GRIN2B: variants seen among roughly 807,000 people sequenced by gnomAD.
GRIN2B encodes glutamate receptor ionotropic, NMDA 2B.
GRIN2B carries 5 observed loss-of-function variants against 114.5 expected under a neutral mutation model. That is an observed-to-expected ratio of 0.04 (90% CI 0.02 to 0.09). The LOEUF (loss-of-function observed/expected upper bound fraction) is 0.09. Ranked by LOEUF, GRIN2B falls within the 10% of genes least tolerant of loss-of-function variation. The probability of loss-of-function intolerance (pLI) is 1.00; values close to 1 mark genes in which losing one functional copy is unlikely to be tolerated. For synonymous variants in GRIN2B, 787 were observed against 745.1 expected (o/e 1.06, Z -0.92); for missense variants, 1,108 against 1,943.5 (o/e 0.57, Z 8.08).
At chr12:13,782,769 T>A (rs1370390684) in intron 3 of GRIN2B, among the ~76,000 whole-genome samples, 2 of 152,164 alleles carry the variant, frequency 1.3e-5, no homozygotes, top group Non-Finnish European at 2.9e-5. Flanking sequence ...ACCCACATAT[T>A]TTTATCTCCC....
At chr12:13,919,254 A>G (rs962474742) in intron 2 of GRIN2B, among the ~76,000 whole-genome samples, 2 of 152,222 alleles carry the variant, frequency 1.3e-5, no homozygotes, top group Admixed American at 1.3e-4. Flanking sequence ...GACCTTCTGA[A>G]TCTAGTTTAT....
intron 2 of GRIN2B, among the ~76,000 whole-genome samples, chr12:13,949,937 AG>A (rs1431608544): frequency 1.3e-5 from 2 of 152,238 alleles, no homozygotes; most frequent in Admixed American, 6.5e-5. Flanking sequence ...AAATTCATTA[AG>A]GAGGAACTCA....
rs111888397 is a variant in GRIN2B at position 13,569,963 on chromosome 12, T to C, written c.2226A>G (p.Arg742=). The C allele has an allele frequency of 6.2e-7, 1 of 1,613,122 alleles. No homozygotes were observed. The highest frequency in any genetic ancestry group is 8.5e-7 in the Non-Finnish European group (1 of 1,179,108). ...TGGTCACCAGCTTGCAGCCTTCATC[T>C]CTGCCTGCCATATAGTTCAGCACTG... is the stretch of plus-strand genomic sequence containing the variant. The part of the protein sequence containing the change: ...DAAVLNYMAG[R]DEGCKLVTIG... Residue 742 remains arginine, a synonymous_variant, in exon 12 of 14, where the codon AGA becomes AGG. Coordinates refer to ENST00000609686, the MANE Select transcript of GRIN2B (RefSeq NM_000834.5).
At chr12:13,686,077 G>C (rs1950172426) in intron 4 of GRIN2B, among the ~76,000 whole-genome samples, 1 of 152,104 alleles carries the variant, frequency 6.6e-6, no homozygotes, top group African/African-American at 2.4e-5. Context: ...AAAAGTGCTG[G>C]TCAAAAGTTA....
intron 10 of GRIN2B, among the ~76,000 whole-genome samples, chr12:13,597,868 A>G (rs897328962): frequency 3.3e-5 from 5 of 152,198 alleles, no homozygotes; most frequent in African/African-American, 1.2e-4. Flanking sequence ...GGCACATAAT[A>G]TATGTTCATT....
chr12:13,681,032 A>G (rs1445813590), intron 4 of GRIN2B, among the ~76,000 whole-genome samples: 1 of 152,070 alleles, frequency 6.6e-6, no homozygotes, highest in African/African-American at 2.4e-5. Context: ...GACTCTGGCC[A>G]TGCCACTCCA....
intron 3 of GRIN2B, among the ~76,000 whole-genome samples, chr12:13,835,340 T>G (rs946864267): frequency 6.6e-6 from 1 of 152,210 alleles, no homozygotes; most frequent in South Asian, 2.1e-4. Flanking sequence ...CACCCTCATT[T>G]ATCCTGAATC....
At position 13,691,744 on chromosome 12, in the gene GRIN2B, T is replaced by A. The variant is rs1026747894; in HGVS notation, c.1011-15885A>T. ...CACACACTAGAGAGAAATGAAGAGA[T>A]GGAGAGGAGATGAAACAGCATGCAG... On this transcript the variant is annotated intron_variant, in intron 4 of 13. Coordinates refer to ENST00000609686, the MANE Select transcript of GRIN2B (RefSeq NM_000834.5). Among the ~76,000 whole-genome samples the A allele has an allele frequency of 2.0e-5, 3 of 151,930 alleles. No homozygotes were observed. The East Asian group carries it at 5.8e-4, about 29-fold the overall frequency.
At chr12:13,881,626 A>G (rs1469453146) in intron 2 of GRIN2B, among the ~76,000 whole-genome samples, 1 of 152,176 alleles carries the variant, frequency 6.6e-6, no homozygotes, top group African/African-American at 2.4e-5. Context: ...CGTTTGTCTA[A>G]TATATATTCA....
intron 5 of GRIN2B, among the ~76,000 whole-genome samples, chr12:13,649,522 G>C (rs1275609596): frequency 1.3e-5 from 2 of 152,032 alleles, no homozygotes; most frequent in Non-Finnish European, 2.9e-5. Flanking sequence ...AGGAATCTTA[G>C]AGCCTACATT....
intron 10 of GRIN2B, among the ~76,000 whole-genome samples, chr12:13,597,367 C>G (rs543079104): frequency 2.6e-5 from 4 of 152,286 alleles, no homozygotes; most frequent in African/African-American, 9.6e-5. Flanking sequence ...GAAGCTAAAC[C>G]GAAAGGAAAA....
At chr12:13,887,772 A>T (rs1017209927) in intron 2 of GRIN2B, among the ~76,000 whole-genome samples, 9 of 152,198 alleles carry the variant, frequency 5.9e-5, no homozygotes, top group Non-Finnish European at 1.2e-4. Flanking sequence ...GAAGAGAGGG[A>T]CAACTGATGC....
At chr12:13,815,349 G>A (rs1452329770) in intron 3 of GRIN2B, among the ~76,000 whole-genome samples, 1 of 151,278 alleles carries the variant, frequency 6.6e-6, no homozygotes, top group African/African-American at 2.4e-5. Context: ...CCTGAATTCA[G>A]TAAAGGCATC....
intron 10 of GRIN2B, among the ~76,000 whole-genome samples, chr12:13,589,061 C>T (rs189299290): frequency 6.6e-6 from 1 of 152,210 alleles, no homozygotes; most frequent in Admixed American, 6.5e-5. Context: ...TTGGGACATA[C>T]TTATACTAAA....
chr12:13,915,291 G>A (rs983503783), intron 2 of GRIN2B, among the ~76,000 whole-genome samples: 8 of 152,154 alleles, frequency 5.3e-5, no homozygotes, highest in African/African-American at 1.7e-4. Context: ...TAGTCACACT[G>A]TACTTAGACA....
chr12:13,869,427 A>G (rs1303704533), intron 2 of GRIN2B, among the ~76,000 whole-genome samples: 1 of 151,870 alleles, frequency 6.6e-6, no homozygotes, highest in Non-Finnish European at 1.5e-5. Flanking sequence ...GGTGGCCAAT[A>G]CTGAGTTTCT....
chr12:13,981,050 C>A (rs886155137), intron 1 of GRIN2B, among the ~76,000 whole-genome samples: 1 of 152,074 alleles, frequency 6.6e-6, no homozygotes, highest in African/African-American at 2.4e-5. Flanking sequence ...ATGGGCTCGG[C>A]GCGTGGGTCC....
chr12:13,680,131 A>G (rs1352558035), intron 4 of GRIN2B, among the ~76,000 whole-genome samples: 1 of 152,170 alleles, frequency 6.6e-6, no homozygotes, highest in Non-Finnish European at 1.5e-5. Context: ...GCTTCTACAT[A>G]TGGAGGCTAA....
intron 4 of GRIN2B, among the ~76,000 whole-genome samples, chr12:13,694,656 C>CACATAT (rs1555122534): frequency 0.033 from 2,342 of 71,246 alleles, 412 homozygotes; most frequent in African/African-American, 0.041. Context: ...AAGAAAATGT[C>CACATAT]ATATATATAT....
Sources: allele counts gnomAD v4.1 joint callset (sites outside exome capture counted in the v4.1 genomes callset), GRCh38; gene constraint gnomAD v4.1.1; transcripts MANE v1.5; gene names NCBI Gene and HGNC (gene_info 2026-07-23, HGNC 2026-07-21).